Variants in RBFOX1 observed in about 807,000 individuals in gnomAD.
RBFOX1 encodes RNA binding protein fox-1 homolog 1.
In RBFOX1, 8 loss-of-function variants were observed where a neutral mutation model predicts 57.7. The observed-to-expected ratio is 0.14, with a 90% confidence interval of 0.08 to 0.25. The LOEUF (loss-of-function observed/expected upper bound fraction) is 0.25, where lower values mean the gene tolerates loss of function less well. Among genes scored for constraint, RBFOX1 ranks in the 10% least tolerant of loss-of-function variants. The pLI, the probability that RBFOX1 is intolerant of heterozygous loss-of-function variation, is 1.00. For synonymous variants in RBFOX1, 326 were observed against 222.4 expected (o/e 1.47, Z -4.15); for missense variants, 611 against 548.5 (o/e 1.11, Z -1.14).
At chr16:5,879,636 C>CATACA (rs2057712908) in intron 4 of RBFOX1, among the ~76,000 whole-genome samples, 1 of 152,216 alleles carries the variant, frequency 6.6e-6, no homozygotes, top group East Asian at 1.9e-4. Context: ...GATCTATTTT[C>CATACA]TTATTTAGTT....
At chr16:7,538,611 A>G (rs1273298002) in intron 5 of RBFOX1, among the ~76,000 whole-genome samples, 3 of 152,202 alleles carry the variant, frequency 2.0e-5, no homozygotes, top group South Asian at 2.1e-4. Flanking sequence ...CAAATAAACA[A>G]TGTAACTAAA....
chr16:5,518,717 C>T (rs1482461221), intron 2 of RBFOX1, among the ~76,000 whole-genome samples: 2 of 152,184 alleles, frequency 1.3e-5, no homozygotes, highest in East Asian at 1.9e-4. Context: ...TATCTCTTGA[C>T]ATCCTCAACT....
chr16:6,590,362 C>A (rs1210543831), intron 2 of RBFOX1, among the ~76,000 whole-genome samples: 1 of 152,112 alleles, frequency 6.6e-6, no homozygotes, highest in East Asian at 1.9e-4. Flanking sequence ...TTGTTTCTTC[C>A]CACCTCCCTG....
chr16:7,558,148 G>T (rs547284503), intron 5 of RBFOX1, among the ~76,000 whole-genome samples: 1 of 152,062 alleles, frequency 6.6e-6, no homozygotes, highest in Non-Finnish European at 1.5e-5. Flanking sequence ...GAACCCAGGA[G>T]TTCAAGATCA....
chr16:6,927,996 T>C (rs1456191509), intron 3 of RBFOX1, among the ~76,000 whole-genome samples: 1 of 152,218 alleles, frequency 6.6e-6, no homozygotes, highest in Non-Finnish European at 1.5e-5. Flanking sequence ...GCTGTTCCGC[T>C]GCTGCTGGCT....
intron 3 of RBFOX1, among the ~76,000 whole-genome samples, chr16:6,791,540 C>G (rs1473393663): frequency 2.0e-5 from 3 of 152,264 alleles, no homozygotes; most frequent in South Asian, 2.1e-4. Flanking sequence ...GGGTGGATCT[C>G]TTGAGGTCAG....
intron 2 of RBFOX1, among the ~76,000 whole-genome samples, chr16:6,649,627 A>T (rs1018674947): frequency 6.6e-6 from 1 of 152,168 alleles, no homozygotes; most frequent in Non-Finnish European, 1.5e-5. Context: ...TTCGTTTTCC[A>T]TTCGTGACTT....
intron 4 of RBFOX1, among the ~76,000 whole-genome samples, chr16:7,485,042 C>T (rs377412621): frequency 7.2e-6 from 1 of 138,578 alleles, no homozygotes; most frequent in Non-Finnish European, 1.5e-5. Context: ...TGCAGGGTTA[C>T]GTTCCCCAAC....
At chr16:7,261,516 A>T (rs748028091) in intron 4 of RBFOX1, among the ~76,000 whole-genome samples, 3 of 152,256 alleles carry the variant, frequency 2.0e-5, no homozygotes, top group African/African-American at 4.8e-5. Context: ...CTTGATCAGC[A>T]TAGGAGATAA....
intron 2 of RBFOX1, among the ~76,000 whole-genome samples, chr16:6,343,067 G>A (rs1466788431): frequency 6.6e-6 from 1 of 152,154 alleles, no homozygotes; most frequent in Non-Finnish European, 1.5e-5. Context: ...CATCAAAAGG[G>A]AGGAGAAGTG....
intron 4 of RBFOX1, among the ~76,000 whole-genome samples, chr16:7,132,906 A>G (rs2151997662): frequency 6.6e-6 from 1 of 152,348 alleles, no homozygotes; most frequent in Middle Eastern, 3.4e-3. Context: ...GTGCATAAAA[A>G]TTGTGCCCAT....
At chr16:5,725,431 A>T (rs773389120) in intron 3 of RBFOX1, among the ~76,000 whole-genome samples, 20 of 151,412 alleles carry the variant, frequency 1.3e-4, no homozygotes, top group Non-Finnish European at 2.1e-4. Context: ...TATTATTATT[A>T]TTTTTATTTT....
At chr16:5,885,838 C>T (rs991627424) in intron 4 of RBFOX1, among the ~76,000 whole-genome samples, 5 of 152,142 alleles carry the variant, frequency 3.3e-5, no homozygotes, top group Admixed American at 3.3e-4. Context: ...CTGAACTGTT[C>T]CACCTACTAG....
intron 1 of RBFOX1, among the ~76,000 whole-genome samples, chr16:6,083,064 T>A (rs956277385): frequency 6.6e-6 from 1 of 151,580 alleles, no homozygotes; most frequent in African/African-American, 2.4e-5. Flanking sequence ...TGCAGTGGCA[T>A]GATCTCGGCT....
intron 3 of RBFOX1, among the ~76,000 whole-genome samples, chr16:7,042,228 CAG>C (rs2046399282): frequency 6.6e-6 from 1 of 152,166 alleles, no homozygotes; most frequent in Non-Finnish European, 1.5e-5. Flanking sequence ...AGCATCTTGT[CAG>C]GGCACAGTAG....
intron 3 of RBFOX1, among the ~76,000 whole-genome samples, chr16:6,825,867 G>T (rs1259430505): frequency 6.6e-6 from 1 of 152,198 alleles, no homozygotes; most frequent in Non-Finnish European, 1.5e-5. Flanking sequence ...TATCCTTGGG[G>T]AGCCTTCTGA....
rs566969059 is a variant in RBFOX1 at position 6,261,802 on chromosome 16, C to G, written c.-126-55193C>G. Among the ~76,000 whole-genome samples the G allele has an allele frequency of 2.0e-5, 3 of 152,012 alleles. No homozygotes were observed. In the East Asian group the frequency reaches 5.8e-4, roughly 29 times the overall value. ...CTTGAGATCAGGAGTTCGAGACCAGCCTGGCCAACATGATGAAACCCCGTC... is the reference window on the plus strand; with the variant it reads ...CTTGAGATCAGGAGTTCGAGACCAGGCTGGCCAACATGATGAAACCCCGTC... On this transcript the variant is annotated intron_variant, in intron 1 of 15. Coordinates refer to ENST00000550418, the MANE Select transcript of RBFOX1 (RefSeq NM_018723.4).
intron 4 of RBFOX1, among the ~76,000 whole-genome samples, chr16:7,250,949 A>G (rs796914300): frequency 9.2e-5 from 14 of 152,336 alleles, no homozygotes; most frequent in African/African-American, 3.1e-4. Flanking sequence ...AAATATGTAT[A>G]TATTGTGGAA....
intron 3 of RBFOX1, among the ~76,000 whole-genome samples, chr16:5,781,547 C>A (rs938615811): frequency 1.3e-5 from 2 of 152,172 alleles, no homozygotes; most frequent in African/African-American, 2.4e-5. Flanking sequence ...TGTAAAGATC[C>A]AAGCAGTAAA....
Sources: allele counts gnomAD v4.1 joint callset (sites outside exome capture counted in the v4.1 genomes callset), GRCh38; gene constraint gnomAD v4.1.1; transcripts MANE v1.5; gene names NCBI Gene and HGNC (gene_info 2026-07-23, HGNC 2026-07-21).